The following PLCXD3 variants were observed in gnomAD, a reference collection of about 807,000 sequenced individuals.
PLCXD3 encodes phosphatidylinositol specific phospholipase C X domain containing 3, also known as PI-PLC X domain-containing protein 3.
In PLCXD3, 19 loss-of-function variants were observed where a neutral mutation model predicts 25.5. The observed-to-expected ratio is 0.75, with a 90% CI of 0.52 to 1.09. The LOEUF is 1.09. PLCXD3 is among the 50% of genes least tolerant of loss of function. The probability of loss-of-function intolerance (pLI) is 0.00; values close to 1 mark genes in which losing one functional copy is unlikely to be tolerated. For missense variants in PLCXD3, 411 were observed against 388.1 expected, an observed-to-expected ratio of 1.06 and a Z score of -0.50; for synonymous variants, 174 against 137.6, an observed-to-expected ratio of 1.26 and a Z score of -1.85.
intron 1 of PLCXD3, among the ~76,000 whole-genome samples, chr5:41,409,310 C>T (rs1017409542): frequency 6.6e-6 from 1 of 152,064 alleles, no homozygotes; most frequent in Non-Finnish European, 1.5e-5. Context: ...GATCACTCTC[C>T]CTTTGCTGGC....
At chr5:41,329,642 A>T (rs1267077505) in intron 2 of PLCXD3, among the ~76,000 whole-genome samples, 1 of 151,952 alleles carries the variant, frequency 6.6e-6, no homozygotes, top group Admixed American at 6.6e-5. Flanking sequence ...CAAATTTTCA[A>T]ATTGACCAGT....
intron 2 of PLCXD3, among the ~76,000 whole-genome samples, chr5:41,363,219 A>G (rs1647295149): frequency 6.6e-6 from 1 of 152,178 alleles, no homozygotes; most frequent in Non-Finnish European, 1.5e-5. Flanking sequence ...ATGATGTGGA[A>G]ATAAACCGTT....
chr5:41,313,421 G>T lies in PLCXD3; in HGVS notation c.*196C>A. The T allele has an allele frequency of 2.0e-6, 1 of 508,262 alleles. No individual in the cohort carries two copies. The highest frequency in any genetic ancestry group is 3.3e-6 in the Non-Finnish European group (1 of 302,974). The allele number at this position is 508,262 out of a possible 1,614,324, so 31.5% of individuals were successfully genotyped here. On this transcript the variant is annotated 3_prime_UTR_variant, in exon 3 of 3. Coordinates refer to ENST00000377801, the MANE Select transcript of PLCXD3 (RefSeq NM_001005473.3). ...AGAAGTAGATTTTGCTCATCAAATG[G>T]GAAATGAAATATTTATAGTAATGAA...
At chr5:41,315,509 C>A (rs1045478795) in intron 2 of PLCXD3, among the ~76,000 whole-genome samples, 2 of 152,036 alleles carry the variant, frequency 1.3e-5, no homozygotes, top group Non-Finnish European at 2.9e-5. Flanking sequence ...GCTCCGCATA[C>A]CCCTGCAAGG....
At chr5:41,387,654 T>G (rs1745679898) in intron 1 of PLCXD3, among the ~76,000 whole-genome samples, 1 of 152,144 alleles carries the variant, frequency 6.6e-6, no homozygotes. Flanking sequence ...GTACTACTAG[T>G]TCTATTTTGT....
At chr5:41,510,363 A>G in intron 1 of PLCXD3, 61 bp downstream of exon 1, 1 of 1,424,828 alleles carries the variant, frequency 7.0e-7, no homozygotes, top group South Asian at 1.2e-5. Context: ...TGGCAGATAA[A>G]GCAGGGCGGG....
rs189397894 is a variant in PLCXD3 at position 41,309,582 on chromosome 5, C to G, written c.*4035G>C. 6.6e-6 allele frequency: 1 copy of G among 152,244 alleles called. No individual in the cohort carries two copies. Among genetic ancestry groups the G allele is most frequent in the East Asian group, 1.9e-4 (1 of 5,186 alleles). The allele number at this position is 152,244 out of a possible 1,614,324, so 9.4% of individuals were successfully genotyped here. The stretch of plus-strand genomic sequence containing the variant: ...TGTAAAACTGTGAAACTAAAAAACT[C>G]ATGGAAACATGCATTTCCTGAGACT... On this transcript the variant is annotated 3_prime_UTR_variant, in exon 3 of 3. Transcript: ENST00000377801.
At chr5:41,384,306 C>T (rs1745571082) in intron 1 of PLCXD3, among the ~76,000 whole-genome samples, 1 of 151,832 alleles carries the variant, frequency 6.6e-6, no homozygotes, top group East Asian at 1.9e-4. Context: ...CATTTGACTG[C>T]TAATTGAAGT....
intron 1 of PLCXD3, among the ~76,000 whole-genome samples, chr5:41,403,401 G>GTTTGTTTGTGTTTTTGTTT (rs1554047951): frequency 5.4e-5 from 1 of 18,412 alleles, no homozygotes; most frequent in Non-Finnish European, 1.4e-4. Context: ...CTTATTTGTT[G>GTTTGTTTGTGTTTTTGTTT]TTTTTTTTTT....
At chr5:41,380,302 T>G (rs947279877) in intron 2 of PLCXD3, among the ~76,000 whole-genome samples, 1 of 152,086 alleles carries the variant, frequency 6.6e-6, no homozygotes, top group Non-Finnish European at 1.5e-5. Flanking sequence ...AACTAGTCAC[T>G]GAATCATTTT....
intron 2 of PLCXD3, among the ~76,000 whole-genome samples, chr5:41,357,755 T>C (rs1180902582): frequency 6.6e-6 from 1 of 152,094 alleles, no homozygotes; most frequent in East Asian, 1.9e-4. Context: ...TATAGCCAAA[T>C]AAAAATAATG....
At chr5:41,421,517 C>T (rs1333679630) in intron 1 of PLCXD3, among the ~76,000 whole-genome samples, 1 of 151,748 alleles carries the variant, frequency 6.6e-6, no homozygotes, top group Non-Finnish European at 1.5e-5. Context: ...CTGGCTAACA[C>T]GGTGAAACCC....
chr5:41,453,355 CTT>C (rs1167250089), intron 1 of PLCXD3, among the ~76,000 whole-genome samples: 20 of 144,086 alleles, frequency 1.4e-4, no homozygotes, highest in Non-Finnish European at 9.2e-5. Flanking sequence ...CATTCTCTGT[CTT>C]TTTTTTTTTT....
chr5:41,343,483 T>C (rs1744216280), intron 2 of PLCXD3, among the ~76,000 whole-genome samples: 1 of 152,228 alleles, frequency 6.6e-6, no homozygotes, highest in East Asian at 1.9e-4. Context: ...ATATGCAAAG[T>C]AAGTGACTTA....
intron 1 of PLCXD3, among the ~76,000 whole-genome samples, chr5:41,424,967 T>C (rs1361979322): frequency 1.3e-5 from 2 of 152,172 alleles, no homozygotes; most frequent in Non-Finnish European, 2.9e-5. Context: ...AAGGTAGAAA[T>C]AGTTCTCAAC....
intron 1 of PLCXD3, among the ~76,000 whole-genome samples, chr5:41,423,135 C>T (rs1020957035): frequency 4.6e-5 from 7 of 151,854 alleles, no homozygotes; most frequent in African/African-American, 7.3e-5. Context: ...TAATTTTAAA[C>T]TATTCTTGCA....
intron 1 of PLCXD3, among the ~76,000 whole-genome samples, chr5:41,412,680 A>G (rs1189803434): frequency 1.3e-5 from 2 of 152,136 alleles, no homozygotes; most frequent in Admixed American, 1.3e-4. Flanking sequence ...AATGTCTCAC[A>G]TCTTTATTAC....
chr5:41,474,247 C>G lies in PLCXD3; in HGVS notation c.103+36177G>C, dbSNP rs532559173. Among the ~76,000 whole-genome samples the G allele has an allele frequency of 1.1e-3, 165 of 152,232 alleles. 1 individual carries two copies. The highest frequency in any genetic ancestry group is 3.2e-3 in the African/African-American group (131 of 41,540). On this transcript the variant is annotated intron_variant, in intron 1 of 2. Transcript: ENST00000377801. ...CAGGGAGGAGGAGGTAACTGGTAGG[C>G]TTCTTAATTGATAACAGGTTCATAT...
At chr5:41,345,719 C>CA (rs3220398) in intron 2 of PLCXD3, among the ~76,000 whole-genome samples, 1 of 145,268 alleles carries the variant, frequency 6.9e-6, no homozygotes, top group Non-Finnish European at 1.5e-5. Context: ...CACACACACA[C>CA]ATTCAGGTCA....
Sources: gnomAD v4.1 joint callset for allele counts (sites outside exome capture counted in the v4.1 genomes callset) on GRCh38, gnomAD v4.1.1 for gene constraint, MANE v1.5 for transcripts, NCBI Gene and HGNC (gene_info 2026-07-23, HGNC 2026-07-21) for gene names.